OLFM2: variants seen among roughly 807,000 people sequenced by gnomAD.
The protein encoded by OLFM2 is olfactomedin 2.
A neutral mutation model predicts 43.9 loss-of-function variants in OLFM2; 20 were observed. That is an observed-to-expected ratio of 0.46 (90% CI 0.32 to 0.66). OLFM2 has a LOEUF of 0.66. Ranked by LOEUF, OLFM2 falls within the 30% of genes least tolerant of loss-of-function variation. The pLI is 0.04. For synonymous variants in OLFM2, 268 were observed against 278.6 expected (o/e 0.96, Z 0.38); for missense variants, 416 against 643.6 (o/e 0.65, Z 3.83).
intron 1 of OLFM2, chr19:9,913,736 G>T (rs1224726087): frequency 7.0e-6 from 7 of 997,898 alleles, no homozygotes; most frequent in Non-Finnish European, 8.5e-6. Flanking sequence ...GGGGGCACGA[G>T]CGCGAGCTGC....
intron 1 of OLFM2, among the ~76,000 whole-genome samples, chr19:9,870,714 C>A (rs1410616329): frequency 6.6e-6 from 1 of 152,044 alleles, no homozygotes; most frequent in African/African-American, 2.4e-5. Flanking sequence ...GGGGCTCAAG[C>A]GTTCAGGTCT....
chr19:9,871,157 A>C (rs1003846149), intron 1 of OLFM2, among the ~76,000 whole-genome samples: 2 of 151,876 alleles, frequency 1.3e-5, no homozygotes, highest in African/African-American at 4.8e-5. Context: ...TGTAATCCCC[A>C]CTACTCAGGA....
intron 1 of OLFM2, among the ~76,000 whole-genome samples, chr19:9,926,341 G>C (rs1173433620): frequency 6.7e-6 from 1 of 149,214 alleles, no homozygotes; most frequent in African/African-American, 2.5e-5. Flanking sequence ...TCACGAGGTC[G>C]GGAGATCGAG....
At chr19:9,884,213 T>G (rs1017450697) in intron 1 of OLFM2, among the ~76,000 whole-genome samples, 1 of 145,156 alleles carries the variant, frequency 6.9e-6, no homozygotes, top group African/African-American at 2.6e-5. Flanking sequence ...GAGGCTGCAA[T>G]GAGCTGTGAT....
intron 1 of OLFM2, among the ~76,000 whole-genome samples, chr19:9,914,216 G>T (rs935694347): frequency 6.6e-6 from 1 of 152,132 alleles, no homozygotes; most frequent in Admixed American, 6.5e-5. Context: ...ACGGCAGGGG[G>T]CCGGAGTCGC....
intron 1 of OLFM2, among the ~76,000 whole-genome samples, chr19:9,873,328 A>AT (rs1299480842): frequency 6.6e-6 from 1 of 151,936 alleles, no homozygotes; most frequent in African/African-American, 2.4e-5. Flanking sequence ...TAATTTTTGT[A>AT]TTTTTTGTAG....
intron 1 of OLFM2, among the ~76,000 whole-genome samples, chr19:9,934,633 G>A (rs1459213572): frequency 6.6e-6 from 1 of 152,002 alleles, no homozygotes; most frequent in Non-Finnish European, 1.5e-5. Context: ...TGCCTCTTTT[G>A]GTCTCTCGTC....
At chr19:9,896,783 T>C (rs1328582521) in intron 1 of OLFM2, among the ~76,000 whole-genome samples, 2 of 152,214 alleles carry the variant, frequency 1.3e-5, no homozygotes, top group Non-Finnish European at 2.9e-5. Context: ...CTGCCAATTA[T>C]ATTTATTTGC....
chr19:9,935,714 TCACACCC>T (rs2086510767), intron 1 of OLFM2, among the ~76,000 whole-genome samples: 1 of 151,814 alleles, frequency 6.6e-6, no homozygotes, highest in African/African-American at 2.4e-5. Context: ...CACGTACTGA[TCACACCC>T]CAACTCGGGC....
At chr19:9,884,276 TA>T (rs4044581) in intron 1 of OLFM2, among the ~76,000 whole-genome samples, 15,730 of 130,714 alleles carry the variant, frequency 0.12, 990 homozygotes, top group African/African-American at 0.18. Context: ...TCTCAAAAAT[TA>T]AAAAAAAAAA....
intron 1 of OLFM2, among the ~76,000 whole-genome samples, chr19:9,929,589 C>T (rs1171771424): frequency 7.4e-6 from 1 of 135,092 alleles, no homozygotes; most frequent in Non-Finnish European, 1.6e-5. Flanking sequence ...GAGTGAGACC[C>T]CGTCTCAAAA....
intron 1 of OLFM2, 131 bp downstream of exon 1, chr19:9,936,173 A>G: frequency 1.3e-6 from 1 of 763,504 alleles, no homozygotes; most frequent in Non-Finnish European, 1.8e-6. Context: ...CCCCGCTGCG[A>G]CCCCCGCCCC....
At chr19:9,873,217 G>A (rs1390234706) in intron 1 of OLFM2, among the ~76,000 whole-genome samples, 3 of 152,002 alleles carry the variant, frequency 2.0e-5, no homozygotes, top group Non-Finnish European at 4.4e-5. Flanking sequence ...ATCACGGCGC[G>A]ATCACTGCTC....
chr19:9,880,857 T>G (rs2046534020), intron 1 of OLFM2, among the ~76,000 whole-genome samples: 1 of 152,086 alleles, frequency 6.6e-6, no homozygotes, highest in South Asian at 2.1e-4. Context: ...GCTTTGGCGC[T>G]CTCTCTGTGG....
At chr19:9,883,452 A>G (rs1274941241) in intron 1 of OLFM2, among the ~76,000 whole-genome samples, 1 of 151,872 alleles carries the variant, frequency 6.6e-6, no homozygotes, top group Non-Finnish European at 1.5e-5. Context: ...GTCACCGGAG[A>G]CCTTTGTTAG....
chr19:9,934,053 T>C (rs527713630), intron 1 of OLFM2, among the ~76,000 whole-genome samples: 4 of 152,254 alleles, frequency 2.6e-5, no homozygotes, highest in African/African-American at 9.6e-5. Flanking sequence ...TATCTGTTCA[T>C]TGAATGGATT....
intron 1 of OLFM2, among the ~76,000 whole-genome samples, chr19:9,875,683 T>G (rs113092865): frequency 6.6e-6 from 1 of 150,612 alleles, no homozygotes; most frequent in African/African-American, 2.5e-5. Flanking sequence ...TTCTTTTGTT[T>G]TTTGTTTGTT....
chr19:9,859,136 A>G (rs2046347070), intron 2 of OLFM2, among the ~76,000 whole-genome samples: 1 of 152,180 alleles, frequency 6.6e-6, no homozygotes, highest in Non-Finnish European at 1.5e-5. Flanking sequence ...AATTATTCAC[A>G]TGACACTTGG....
chr19:9,880,558 C>T (rs2046531153), intron 1 of OLFM2, among the ~76,000 whole-genome samples: 1 of 152,016 alleles, frequency 6.6e-6, no homozygotes. Context: ...GATCACACCA[C>T]TGCACTCCAA....
Sources: allele counts gnomAD v4.1 joint callset (sites outside exome capture counted in the v4.1 genomes callset), GRCh38; gene constraint gnomAD v4.1.1; transcripts MANE v1.5; gene names NCBI Gene and HGNC (gene_info 2026-07-23, HGNC 2026-07-21).